The following RIN3 variants were observed in gnomAD, a reference collection of about 807,000 sequenced individuals.
RIN3 encodes Ras and Rab interactor 3.
A neutral mutation model predicts 76.3 loss-of-function variants in RIN3; 54 were observed. The ratio of observed to expected loss-of-function variants is 0.71; its 90% CI spans 0.57 to 0.89. RIN3 has a LOEUF of 0.89. Ranked by LOEUF, RIN3 falls within the 40% of genes least tolerant of loss-of-function variation. The pLI is 0.00. For missense variants in RIN3, 1,256 were observed against 1,322.1 expected (o/e 0.95, Z 0.78); for synonymous variants, 576 against 564.0 (o/e 1.02, Z -0.30).
chr14:92,516,926 T>C (rs1265588490), intron 1 of RIN3, among the ~76,000 whole-genome samples: 2 of 152,262 alleles, frequency 1.3e-5, no homozygotes, highest in South Asian at 4.1e-4. Context: ...GAGAGAGGCA[T>C]GATATTTGAA....
intron 1 of RIN3, among the ~76,000 whole-genome samples, chr14:92,522,703 C>T (rs562544975): frequency 2.6e-5 from 4 of 152,200 alleles, no homozygotes; most frequent in Non-Finnish European, 5.9e-5. Context: ...TGTCACCATC[C>T]TGGAGCCTTT....
chr14:92,626,843 T>C (rs934780507), intron 4 of RIN3, among the ~76,000 whole-genome samples: 4 of 152,092 alleles, frequency 2.6e-5, no homozygotes, highest in African/African-American at 9.7e-5. Flanking sequence ...CCCTGTATTC[T>C]TTAGGGGAAA....
At chr14:92,671,359 G>A (rs1000146737) in intron 7 of RIN3, among the ~76,000 whole-genome samples, 6 of 152,194 alleles carry the variant, frequency 3.9e-5, no homozygotes. Context: ...CCTGGAGAGG[G>A]GAGAGTGCAC....
chr14:92,667,378 A>T (rs1400889353), intron 7 of RIN3, among the ~76,000 whole-genome samples: 2 of 152,076 alleles, frequency 1.3e-5, no homozygotes, highest in African/African-American at 4.8e-5. Flanking sequence ...TTATCTGGGC[A>T]TGGTGGCGCA....
chr14:92,686,185 A>G (rs76035631), intron 9 of RIN3: 1,847 of 152,462 alleles, frequency 0.012, 30 homozygotes, highest in African/African-American at 0.043. Context: ...TGGTGCATCT[A>G]TAATAAGCAG....
Position 92,559,781 on chromosome 14 carries a change from AG to A in RIN3, c.249+3829del, listed in dbSNP as rs1434803886. ...GAGAGTAGCAGGTGACATAACAGCAAGGGCCAAGGCCCAGAGGTGGATGTGA... is the reference window on the plus strand; with the variant it reads ...GAGAGTAGCAGGTGACATAACAGCAAGGCCAAGGCCCAGAGGTGGATGTGA... On this transcript the variant is annotated intron_variant, in intron 2 of 9. Coordinates refer to ENST00000216487, the MANE Select transcript of RIN3 (RefSeq NM_024832.5). Among the ~76,000 whole-genome samples, 22 of 152,314 alleles carry A rather than the reference AG, an allele frequency of 1.4e-4. 1 individual carries two copies. In the South Asian group the frequency reaches 4.1e-3, roughly 29 times the overall value.
chr14:92,527,829 T>C (rs927977581), intron 1 of RIN3, among the ~76,000 whole-genome samples: 2 of 151,960 alleles, frequency 1.3e-5, no homozygotes, highest in African/African-American at 4.8e-5. Context: ...GACTCGAGAG[T>C]CCATTCCTCT....
In RIN3 at chr14:92,688,057, C is replaced by T. The variant is rs1425261182; in HGVS notation, c.2763C>T (p.His921=). 1.2e-6 allele frequency: 2 copies of T among 1,602,350 alleles called. No individual in the cohort carries two copies. Among genetic ancestry groups the T allele is most frequent in the Admixed American group, 1.7e-5 (1 of 59,032 alleles). ...TCGCGGTGGAGCGGCCGCAGGCGCA[C>T]CGGCTGTTCGTGCTGGTGGACGGGC... ...EKFAVERPQA[H]RLFVLVDGRC... The change falls in exon 10 of 10, where the codon CAC becomes CAT. Residue 921 remains histidine (H), a synonymous_variant. Coordinates refer to ENST00000216487, the MANE Select transcript of RIN3 (RefSeq NM_024832.5).
intron 6 of RIN3, 105 bp downstream of exon 6, chr14:92,653,180 C>G: frequency 2.5e-6 from 3 of 1,217,536 alleles, no homozygotes; most frequent in Non-Finnish European, 3.3e-6. Context: ...GCTGTTGGTG[C>G]CCACCCCCTA....
chr14:92,673,174 A>G (rs1183665123), intron 7 of RIN3, among the ~76,000 whole-genome samples: 1 of 152,186 alleles, frequency 6.6e-6, no homozygotes, highest in Non-Finnish European at 1.5e-5. Flanking sequence ...TCTCAAAAAA[A>G]TGAACAAATA....
intron 2 of RIN3, among the ~76,000 whole-genome samples, chr14:92,574,405 T>A (rs933655073): frequency 6.6e-6 from 1 of 152,220 alleles, no homozygotes; most frequent in African/African-American, 2.4e-5. Flanking sequence ...ACTGTACACA[T>A]GGTGACAAAG....
chr14:92,613,150 C>T (rs1057023621), intron 3 of RIN3, among the ~76,000 whole-genome samples: 4 of 152,340 alleles, frequency 2.6e-5, no homozygotes, highest in Middle Eastern at 3.4e-3. Context: ...GAAGGTCCTT[C>T]CTTCCCTTCC....
At chr14:92,599,553 C>T (rs4904956) in intron 3 of RIN3, among the ~76,000 whole-genome samples, 21,642 of 152,130 alleles carry the variant, frequency 0.14, 1,636 homozygotes, top group Admixed American at 0.2. Context: ...CAGTGAGCGT[C>T]GGTGCCTGGG....
intron 1 of RIN3, among the ~76,000 whole-genome samples, chr14:92,551,157 T>C (rs1169613688): frequency 1.3e-5 from 2 of 152,260 alleles, no homozygotes; most frequent in African/African-American, 4.8e-5. Flanking sequence ...TAAAAGTGAA[T>C]GCACACATCT....
intron 1 of RIN3, among the ~76,000 whole-genome samples, chr14:92,516,928 A>G (rs548508794): frequency 9.2e-5 from 14 of 152,310 alleles, no homozygotes; most frequent in African/African-American, 2.6e-4. Flanking sequence ...GAGAGGCATG[A>G]TATTTGAAGG....
chr14:92,593,122 T>C (rs1404936446), intron 3 of RIN3, among the ~76,000 whole-genome samples: 1 of 152,054 alleles, frequency 6.6e-6, no homozygotes, highest in Non-Finnish European at 1.5e-5. Context: ...TGGTTGTAAA[T>C]GTATGTTGCA....
At chr14:92,616,305 A>T (rs1024677285) in intron 4 of RIN3, among the ~76,000 whole-genome samples, 4 of 152,256 alleles carry the variant, frequency 2.6e-5, no homozygotes, top group Non-Finnish European at 4.4e-5. Context: ...GCCCAAGCAT[A>T]GGGCCTCAAG....
At chr14:92,673,008 C>T (rs954365947) in intron 7 of RIN3, among the ~76,000 whole-genome samples, 3 of 151,926 alleles carry the variant, frequency 2.0e-5, no homozygotes, top group East Asian at 1.9e-4. Context: ...AGCAGCCAGG[C>T]ATGGTGGCTC....
intron 1 of RIN3, among the ~76,000 whole-genome samples, chr14:92,527,894 C>T (rs910137881): frequency 2.6e-5 from 4 of 151,822 alleles, no homozygotes; most frequent in Non-Finnish European, 5.9e-5. Context: ...ATCCCTTCCC[C>T]GCTCAGGCCT....
Sources: allele counts gnomAD v4.1 joint callset (sites outside exome capture counted in the v4.1 genomes callset), GRCh38; gene constraint gnomAD v4.1.1; transcripts MANE v1.5; gene names NCBI Gene and HGNC (gene_info 2026-07-23, HGNC 2026-07-21).